Variants in PEBP4 observed in about 807,000 individuals in gnomAD.
The protein encoded by PEBP4 is phosphatidylethanolamine-binding protein 4.
A neutral mutation model predicts 23.9 loss-of-function variants in PEBP4; 22 were observed. That is an observed-to-expected ratio of 0.92 (90% CI 0.66 to 1.31). The LOEUF is 1.31. Ranked by LOEUF, PEBP4 falls within the 40% of genes most tolerant of loss-of-function variation. PEBP4 has a pLI of 0.00. For missense variants in PEBP4, 324 were observed against 281.7 expected, an observed-to-expected ratio of 1.15 and a Z score of -1.07; for synonymous variants, 112 against 99.3, an observed-to-expected ratio of 1.13 and a Z score of -0.76.
At chr8:22,874,907 T>C (rs897074077) in intron 3 of PEBP4, among the ~76,000 whole-genome samples, 1 of 152,220 alleles carries the variant, frequency 6.6e-6, no homozygotes, top group African/African-American at 2.4e-5. Context: ...GCCATTGAAA[T>C]GATAATTTGG....
rs1366474815 is a variant in PEBP4 at position 22,917,419 on chromosome 8, GCCCAC to G, written c.258+2760_258+2764del. Among the ~76,000 whole-genome samples, 3 of 152,008 alleles carry G rather than the reference GCCCAC, an allele frequency of 2.0e-5. No homozygotes were observed. The East Asian group carries it at 5.8e-4, about 29-fold the overall frequency. ...TTCCCTAGGAAGAACTATCCTTCCTGCCCACCCCCTTCCATTCTAACCAGGGAAAG... is the reference window on the plus strand; with the variant it reads ...TTCCCTAGGAAGAACTATCCTTCCTGCCCCTTCCATTCTAACCAGGGAAAG... On this transcript the variant is annotated intron_variant, in intron 3 of 6. Coordinates refer to ENST00000256404, the MANE Select transcript of PEBP4 (RefSeq NM_144962.3).
At chr8:22,842,374 T>G (rs1807347070) in intron 3 of PEBP4, among the ~76,000 whole-genome samples, 1 of 152,162 alleles carries the variant, frequency 6.6e-6, no homozygotes, top group Admixed American at 6.5e-5. Flanking sequence ...AGAGGCAGCA[T>G]TTCCAGCCAC....
At chr8:22,902,418 G>A (rs1808730455) in intron 3 of PEBP4, among the ~76,000 whole-genome samples, 1 of 152,196 alleles carries the variant, frequency 6.6e-6, no homozygotes, top group African/African-American at 2.4e-5. Context: ...ACCACACCAA[G>A]TTCCCTGGAT....
rs780546856 is a variant in PEBP4, at chr8:22,713,395, T to C, written c.659A>G (p.Asn220Ser). ...RERASEPKHK[N>S]QAEIAAC Reference sequence around the variant, plus strand: ...CTAGCAGGCAGCTATCTCCGCCTGGTTTTTGTGCTTGGGCTCGCTGGCCCT... The same window carrying C: ...CTAGCAGGCAGCTATCTCCGCCTGGCTTTTGTGCTTGGGCTCGCTGGCCCT... Residue 220 changes from asparagine to serine, a missense_variant, in exon 7 of 7, where the codon AAC becomes AGC. Coordinates refer to ENST00000256404, the MANE Select transcript of PEBP4 (RefSeq NM_144962.3). 1 of 765,032 alleles carries C rather than the reference T, an allele frequency of 1.3e-6. No individual in the cohort carries two copies. Among genetic ancestry groups the C allele is most frequent in the Non-Finnish European group, 1.8e-6 (1 of 552,324 alleles). 47.4% of individuals were successfully genotyped at this position (765,032 alleles called of 1,614,324 possible). A position where few individuals can be genotyped will look rare whatever the true frequency, so the allele number is the denominator to read the frequency against.
chr8:22,877,624 G>A (rs1227070398), intron 3 of PEBP4, among the ~76,000 whole-genome samples: 2 of 142,828 alleles, frequency 1.4e-5, no homozygotes, highest in Non-Finnish European at 1.5e-5. Flanking sequence ...GGGCTGGGCT[G>A]AGCCCAGCCA....
At chr8:22,879,308 G>A (rs530329792) in intron 3 of PEBP4, 1 of 152,342 alleles carries the variant, frequency 6.6e-6, no homozygotes, top group African/African-American at 2.4e-5. Context: ...GCGCCCCAGA[G>A]GTGGGAACTA....
At chr8:22,756,872 AC>A (rs1805395066) in intron 4 of PEBP4, 1 of 151,536 alleles carries the variant, frequency 6.6e-6, no homozygotes, top group Admixed American at 6.6e-5. Context: ...TGGACCTAGG[AC>A]CCCTGGCCCT....
intron 4 of PEBP4, among the ~76,000 whole-genome samples, chr8:22,796,919 T>G (rs1025477160): frequency 2.0e-5 from 3 of 151,066 alleles, no homozygotes; most frequent in African/African-American, 7.3e-5. Context: ...GCAACATAAC[T>G]GCACTTGTAC....
At chr8:22,830,597 C>T (rs1245345262) in intron 3 of PEBP4, among the ~76,000 whole-genome samples, 1 of 152,196 alleles carries the variant, frequency 6.6e-6, no homozygotes, top group Non-Finnish European at 1.5e-5. Context: ...CAGAGCACCT[C>T]ACACTCATCA....
intron 6 of PEBP4, among the ~76,000 whole-genome samples, chr8:22,716,950 C>G (rs555358362): frequency 1.3e-5 from 2 of 152,348 alleles, no homozygotes; most frequent in South Asian, 4.1e-4. Context: ...TAATACTAAC[C>G]TAATCACAGT....
intron 3 of PEBP4, among the ~76,000 whole-genome samples, chr8:22,830,783 C>T (rs1335893604): frequency 6.6e-6 from 1 of 152,160 alleles, no homozygotes; most frequent in Non-Finnish European, 1.5e-5. Context: ...CCATTTCCCC[C>T]CTATCACCAC....
chr8:22,865,553 C>A lies in PEBP4; in HGVS notation c.259-47818G>T, dbSNP rs1338570830. ...AAAGGCAAGGCGCTGCTGCCGGTGC[C>A]GGTGCCGCAGCCGCCGGGGAAGGAA... On this transcript the variant is annotated intron_variant, in intron 3 of 6. Coordinates refer to ENST00000256404, the MANE Select transcript of PEBP4 (RefSeq NM_144962.3). This position sits in a 1 kb window ranked among gnomAD's most constrained non-coding sequence, Gnocchi z 6.9. Among the ~76,000 whole-genome samples, 1 of 152,172 alleles carries A rather than the reference C, an allele frequency of 6.6e-6. No homozygotes were observed. Among genetic ancestry groups the A allele is most frequent in the Admixed American group, 6.5e-5 (1 of 15,292 alleles).
intron 3 of PEBP4, among the ~76,000 whole-genome samples, chr8:22,861,517 A>C (rs1310162196): frequency 6.6e-6 from 1 of 152,244 alleles, no homozygotes; most frequent in Non-Finnish European, 1.5e-5. Flanking sequence ...ATGCAAATGC[A>C]GGCGGGCAAA....
chr8:22,904,067 C>T (rs1049028950), intron 3 of PEBP4, among the ~76,000 whole-genome samples: 2 of 152,200 alleles, frequency 1.3e-5, no homozygotes, highest in Non-Finnish European at 1.5e-5. Context: ...GACTGAGACC[C>T]TATTTTTAGA....
intron 3 of PEBP4, among the ~76,000 whole-genome samples, chr8:22,871,034 T>C (rs751808445): frequency 3.4e-4 from 51 of 152,156 alleles, no homozygotes; most frequent in Middle Eastern, 3.2e-3. Context: ...AAAGAAAGAC[T>C]TCCTATTGCT....
At chr8:22,832,434 T>C (rs1255904406) in intron 3 of PEBP4, among the ~76,000 whole-genome samples, 2 of 152,188 alleles carry the variant, frequency 1.3e-5, no homozygotes, top group Non-Finnish European at 2.9e-5. Flanking sequence ...CTGAATCTGC[T>C]GGCACATTGG....
intron 2 of PEBP4, among the ~76,000 whole-genome samples, chr8:22,927,158 T>C (rs148866067): frequency 1.7e-3 from 254 of 152,250 alleles, no homozygotes; most frequent in Middle Eastern, 0.01. Flanking sequence ...CAAAAACCTC[T>C]CACACAGGAA....
chr8:22,816,930 A>G (rs1806753989), intron 4 of PEBP4, among the ~76,000 whole-genome samples: 1 of 152,220 alleles, frequency 6.6e-6, no homozygotes, highest in Non-Finnish European at 1.5e-5. Flanking sequence ...TAAAAGCTCC[A>G]AAAGCCCTTG....
chr8:22,800,447 A>C (rs1427374804), intron 4 of PEBP4, among the ~76,000 whole-genome samples: 3 of 152,092 alleles, frequency 2.0e-5, no homozygotes, highest in Non-Finnish European at 1.5e-5. Context: ...CTACAAATCT[A>C]GGATGCAGGG....
Sources: gnomAD v4.1 joint callset for allele counts (sites outside exome capture counted in the v4.1 genomes callset) on GRCh38, gnomAD v4.1.1 for gene constraint, Gnocchi (gnomAD v3.1) non-coding constraint, MANE v1.5 for transcripts, NCBI Gene and HGNC (gene_info 2026-07-23, HGNC 2026-07-21) for gene names.